MGAT4C: variants seen among roughly 807,000 people sequenced by gnomAD.
The protein encoded by MGAT4C is MGAT4 family member C, also known as alpha-1,3-mannosyl-glycoprotein 4-beta-N-acetylglucosaminyltransferase C.
In MGAT4C, 19 loss-of-function variants were observed where a neutral mutation model predicts 40.1. The observed-to-expected ratio is 0.47, with a 90% CI of 0.33 to 0.70. The LOEUF is 0.70. MGAT4C is among the 30% of genes least tolerant of loss of function. MGAT4C has a pLI of 0.02. For synonymous variants in MGAT4C, 181 were observed against 187.1 expected (o/e 0.97, Z 0.27); for missense variants, 491 against 563.2 (o/e 0.87, Z 1.30).
chr12:86,315,059 AC>A (rs1954170414), intron 4 of MGAT4C, among the ~76,000 whole-genome samples: 1 of 152,152 alleles, frequency 6.6e-6, no homozygotes, highest in African/African-American at 2.4e-5. Context: ...CTTAAAAAAA[AC>A]AAATAAAAAA....
intron 2 of MGAT4C, among the ~76,000 whole-genome samples, chr12:86,706,310 T>C (rs1468097172): frequency 2.0e-5 from 3 of 152,204 alleles, no homozygotes; most frequent in Non-Finnish European, 4.4e-5. Flanking sequence ...AATTTTAACA[T>C]AAGAATATCA....
rs370622926 is a variant in MGAT4C at position 85,979,272 on chromosome 12, C to A, written c.*17G>T. On this transcript the variant is annotated 3_prime_UTR_variant, in exon 5 of 5. Transcript: ENST00000611864. ...AGGAAGAACTGCTTCAGAAACTGAA[C>A]ATACTGATTTAATTGGCTAAGAAGT... is the stretch of plus-strand genomic sequence containing the variant. 4.5e-6 allele frequency: 7 copies of A among 1,554,396 alleles called. No homozygotes were observed. Among genetic ancestry groups the A allele is most frequent in the Non-Finnish European group, 6.1e-6 (7 of 1,149,138 alleles).
intron 2 of MGAT4C, among the ~76,000 whole-genome samples, chr12:86,618,656 G>A (rs949833349): frequency 4.0e-4 from 61 of 152,242 alleles, no homozygotes; most frequent in African/African-American, 1.4e-3. Flanking sequence ...TAGAATGGTG[G>A]TTACCAGAGG....
At chr12:86,770,898 G>A (rs1054008298) in intron 1 of MGAT4C, among the ~76,000 whole-genome samples, 1 of 152,036 alleles carries the variant, frequency 6.6e-6, no homozygotes, top group African/African-American at 2.4e-5. Context: ...AAGGTGGTGT[G>A]GGTTGAATTG....
At chr12:86,550,680 G>A (rs998795919) in intron 2 of MGAT4C, among the ~76,000 whole-genome samples, 1 of 151,758 alleles carries the variant, frequency 6.6e-6, no homozygotes, top group Non-Finnish European at 1.5e-5. Context: ...TGCAGAGCAG[G>A]GAAACTAACA....
Position 86,723,732 on chromosome 12 carries a change from G to A in MGAT4C, c.-229+3477C>T, listed in dbSNP as rs141853932. Among the ~76,000 whole-genome samples, 883 of 152,256 alleles carry A rather than the reference G, an allele frequency of 5.8e-3. 3 individuals carry two copies. The highest frequency in any genetic ancestry group is 0.02 in the African/African-American group (847 of 41,544). On this transcript the variant is annotated intron_variant, in intron 2 of 7. Transcript: ENST00000548651. ...GGGGGACACAAGTCAATCCCTGAAGGACAGTCTCCTTTTCCTTATCATTTT... is the reference window on the plus strand; with the variant it reads ...GGGGGACACAAGTCAATCCCTGAAGAACAGTCTCCTTTTCCTTATCATTTT...
intron 2 of MGAT4C, among the ~76,000 whole-genome samples, chr12:86,618,262 T>C (rs1962521983): frequency 6.6e-6 from 1 of 152,208 alleles, no homozygotes. Context: ...TGGAAAATAG[T>C]ATGGCGATTT....
At chr12:86,561,167 A>G (rs1481117400) in intron 2 of MGAT4C, among the ~76,000 whole-genome samples, 2 of 152,216 alleles carry the variant, frequency 1.3e-5, no homozygotes, top group Non-Finnish European at 2.9e-5. Context: ...CAAAACAATC[A>G]ACAGAGTAAA....
At chr12:86,699,756 C>A (rs560275786) in intron 2 of MGAT4C, among the ~76,000 whole-genome samples, 3 of 152,036 alleles carry the variant, frequency 2.0e-5, no homozygotes, top group Non-Finnish European at 2.9e-5. Context: ...AAAAAAATGT[C>A]ATTAAGGAAA....
chr12:86,827,283 T>C (rs2136232570), intron 1 of MGAT4C, among the ~76,000 whole-genome samples: 1 of 151,592 alleles, frequency 6.6e-6, no homozygotes, highest in East Asian at 1.9e-4. Flanking sequence ...AAAATCCTTT[T>C]GCTCCTGGTG....
At chr12:86,311,105 C>T (rs1207710136) in intron 4 of MGAT4C, among the ~76,000 whole-genome samples, 3 of 152,194 alleles carry the variant, frequency 2.0e-5, no homozygotes, top group African/African-American at 4.8e-5. Context: ...TCATGCATCA[C>T]GTAACAATAG....
intron 1 of MGAT4C, among the ~76,000 whole-genome samples, chr12:86,154,789 A>G (rs1319629194): frequency 6.6e-6 from 1 of 152,170 alleles, no homozygotes; most frequent in Non-Finnish European, 1.5e-5. Context: ...CTTCATCTGT[A>G]TCAATTTTTC....
chr12:86,716,436 T>C (rs928936160), intron 2 of MGAT4C, among the ~76,000 whole-genome samples: 1 of 151,988 alleles, frequency 6.6e-6, no homozygotes, highest in African/African-American at 2.4e-5. Flanking sequence ...CATGAAAAAA[T>C]ATAAATCATC....
chr12:86,571,492 A>G (rs1960361955), intron 2 of MGAT4C, among the ~76,000 whole-genome samples: 1 of 152,108 alleles, frequency 6.6e-6, no homozygotes, highest in Non-Finnish European at 1.5e-5. Flanking sequence ...GCAAAACTGA[A>G]ATTTAAAGTA....
chr12:86,329,319 T>C (rs12309874), intron 4 of MGAT4C, among the ~76,000 whole-genome samples: 19,493 of 152,032 alleles, frequency 0.13, 3,195 homozygotes, highest in African/African-American at 0.37. Flanking sequence ...ACTTTCTATG[T>C]TTCTAAGATA....
intron 1 of MGAT4C, among the ~76,000 whole-genome samples, chr12:86,819,371 C>T (rs561173253): frequency 6.6e-6 from 1 of 150,722 alleles, no homozygotes; most frequent in Non-Finnish European, 1.5e-5. Context: ...TTGCCAGCTG[C>T]ATAGATTTTC....
chr12:86,184,481 TC>T (rs1765365694), intron 1 of MGAT4C, among the ~76,000 whole-genome samples: 1 of 152,088 alleles, frequency 6.6e-6, no homozygotes, highest in Admixed American at 6.6e-5. Flanking sequence ...TCCTTTGTCT[TC>T]TTTTCTCGAA....
At chr12:86,751,027 T>A (rs1951224459) in intron 1 of MGAT4C, among the ~76,000 whole-genome samples, 1 of 151,884 alleles carries the variant, frequency 6.6e-6, no homozygotes, top group South Asian at 2.1e-4. Flanking sequence ...GCCTTGCACA[T>A]CATAAACCAA....
chr12:86,062,790 TC>T (rs777930301), intron 1 of MGAT4C, among the ~76,000 whole-genome samples: 12 of 151,370 alleles, frequency 7.9e-5, no homozygotes, highest in Non-Finnish European at 1.6e-4. Context: ...GAAGATCAAC[TC>T]AATAAAATAA....
Sources: gnomAD v4.1 joint callset for allele counts (sites outside exome capture counted in the v4.1 genomes callset) on GRCh38, gnomAD v4.1.1 for gene constraint, MANE v1.5 for transcripts, NCBI Gene and HGNC (gene_info 2026-07-23, HGNC 2026-07-21) for gene names.